The following PCSK5 variants were observed in gnomAD, a reference collection of about 807,000 sequenced individuals.
PCSK5 encodes proprotein convertase subtilisin/kexin type 5, also known as prohormone convertase 5.
A neutral mutation model predicts 233.2 loss-of-function variants in PCSK5; 129 were observed. That is an observed-to-expected ratio of 0.55 (90% CI 0.48 to 0.64). PCSK5 has a LOEUF of 0.64. Among genes scored for constraint, PCSK5 ranks in the 30% least tolerant of loss-of-function variants. The probability of loss-of-function intolerance (pLI) is 0.00; values close to 1 mark genes in which losing one functional copy is unlikely to be tolerated. For synonymous variants in PCSK5, 825 were observed against 879.2 expected (o/e 0.94, Z 1.09); for missense variants, 2,076 against 2,430.1 (o/e 0.85, Z 3.06).
At chr9:76,321,375 C>A in intron 30 of PCSK5, 47 bp from the exon 31 acceptor site, 1 of 1,026,764 alleles carries the variant, frequency 9.7e-7, no homozygotes, top group Non-Finnish European at 1.5e-6. Flanking sequence ...TGAGTCACTT[C>A]TCCAGCAGGT....
intron 10 of PCSK5, among the ~76,000 whole-genome samples, chr9:76,153,775 T>A (rs1477270155): frequency 6.6e-6 from 1 of 152,162 alleles, no homozygotes; most frequent in Non-Finnish European, 1.5e-5. Flanking sequence ...TGACACTTGG[T>A]GAATTAAATA....
chr9:76,280,201 C>G (rs1045701158), intron 24 of PCSK5, among the ~76,000 whole-genome samples: 5 of 152,100 alleles, frequency 3.3e-5, no homozygotes, highest in African/African-American at 1.2e-4. Flanking sequence ...TTTGGGGCAC[C>G]ATGAACCCCA....
chr9:76,060,875 G>A (rs546518965), intron 5 of PCSK5, among the ~76,000 whole-genome samples: 4 of 152,160 alleles, frequency 2.6e-5, no homozygotes, highest in South Asian at 4.1e-4. Context: ...AGTAAACACA[G>A]TTACTATAAA....
intron 20 of PCSK5, among the ~76,000 whole-genome samples, chr9:76,191,509 G>C (rs1010922396): frequency 6.6e-6 from 1 of 152,168 alleles, no homozygotes; most frequent in Admixed American, 6.5e-5. Flanking sequence ...ATCTCAAAAA[G>C]GTGTCAGAAA....
chr9:76,148,069 T>A (rs759012713), intron 10 of PCSK5, among the ~76,000 whole-genome samples: 6 of 152,084 alleles, frequency 3.9e-5, no homozygotes, highest in Non-Finnish European at 5.9e-5. Flanking sequence ...TTCTTTGCAA[T>A]CTTGTTTCTA....
At chr9:76,357,882 G>A (rs535309875) in intron 37 of PCSK5, among the ~76,000 whole-genome samples, 2 of 152,316 alleles carry the variant, frequency 1.3e-5, no homozygotes, top group East Asian at 1.9e-4. Context: ...GCCCTTAAGT[G>A]GTGGGACAGT....
intron 3 of PCSK5, 30 bp downstream of exon 3, chr9:75,986,275 GC>G: frequency 7.7e-7 from 1 of 1,298,194 alleles, no homozygotes; most frequent in Non-Finnish European, 1.1e-6. Flanking sequence ...CTGGCCTAGG[GC>G]CATGTCATCC....
chr9:75,970,652 C>T (rs1257338810), intron 2 of PCSK5, among the ~76,000 whole-genome samples: 1 of 152,020 alleles, frequency 6.6e-6, no homozygotes, highest in African/African-American at 2.4e-5. Flanking sequence ...GATGGAGTCT[C>T]ACTCTGTTGC....
At chr9:76,021,659 A>C (rs1254699831) in intron 3 of PCSK5, among the ~76,000 whole-genome samples, 1 of 152,142 alleles carries the variant, frequency 6.6e-6, no homozygotes, top group Non-Finnish European at 1.5e-5. Flanking sequence ...CTTTCTTAGA[A>C]TGAATCTTTG....
chr9:76,322,576 C>T (rs1393485637), intron 31 of PCSK5, among the ~76,000 whole-genome samples: 3 of 152,142 alleles, frequency 2.0e-5, no homozygotes, highest in East Asian at 3.8e-4. Context: ...AAAATAAACC[C>T]GCAATGTATT....
chr9:76,007,796 T>TTGTGTGTG (rs59860078), intron 3 of PCSK5, among the ~76,000 whole-genome samples: 13,818 of 128,148 alleles, frequency 0.11, 846 homozygotes, highest in Non-Finnish European at 0.12. Flanking sequence ...CCGGCTAATT[T>TTGTGTGTG]TGTGTGTGTG....
rs1352176814 is a variant in PCSK5 at position 76,328,066 on chromosome 9, A to T, written c.4397A>T (p.Lys1466Ile). The change falls in exon 33 of 38, where the codon AAA (lysine) becomes ATA (isoleucine). Residue 1466 changes from lysine to isoleucine, a missense_variant. Lys to Ile is a moderately radical substitution (Grantham distance 102). Coordinates refer to ENST00000674117, the MANE Select transcript of PCSK5 (RefSeq NM_001372043.1). Reference sequence around the variant, plus strand: ...TCTGGGACCTGCACCACCTGTCAGAAAGGCCTGATCATGAACCCTCGTGGG... The same window carrying T: ...TCTGGGACCTGCACCACCTGTCAGATAGGCCTGATCATGAACCCTCGTGGG... The part of the protein sequence containing the change: ...SSSGTCTTCQ[K>I]GLIMNPRGSC... 1.2e-6 allele frequency: 2 copies of T among 1,612,728 alleles called. No individual in the cohort carries two copies. The highest frequency in any genetic ancestry group is 2.7e-5 in the African/African-American group (2 of 74,910).
At chr9:75,929,646 T>C (rs929072004) in intron 1 of PCSK5, among the ~76,000 whole-genome samples, 1 of 151,756 alleles carries the variant, frequency 6.6e-6, no homozygotes, top group Non-Finnish European at 1.5e-5. Flanking sequence ...CCATCATAGC[T>C]AGTGTATTAG....
At chr9:76,333,169 C>T (rs1829583604) in intron 34 of PCSK5, among the ~76,000 whole-genome samples, 1 of 152,194 alleles carries the variant, frequency 6.6e-6, no homozygotes, top group African/African-American at 2.4e-5. Flanking sequence ...CAGAGCAAGA[C>T]CTTGTTTCTA....
At chr9:76,342,074 G>A (rs1829851367) in intron 35 of PCSK5, among the ~76,000 whole-genome samples, 1 of 152,068 alleles carries the variant, frequency 6.6e-6, no homozygotes, top group South Asian at 2.1e-4. Flanking sequence ...TTTCCTTTAT[G>A]TTCCAAAGAG....
At chr9:76,234,603 T>C (rs1365862108) in intron 22 of PCSK5, among the ~76,000 whole-genome samples, 1 of 152,226 alleles carries the variant, frequency 6.6e-6, no homozygotes, top group Non-Finnish European at 1.5e-5. Context: ...TGTCAAAACA[T>C]GACAAATATC....
At chr9:76,023,500 G>A (rs147227467) in intron 3 of PCSK5, among the ~76,000 whole-genome samples, 286 of 152,048 alleles carry the variant, frequency 1.9e-3, no homozygotes, top group African/African-American at 6.5e-3. Context: ...CCTTGTTTCT[G>A]CAAAAAATTT....
intron 4 of PCSK5, 135 bp downstream of exon 4, chr9:76,024,016 G>T (rs888427780): frequency 3.1e-6 from 2 of 637,162 alleles, no homozygotes; most frequent in Non-Finnish European, 2.5e-6. Context: ...CTTCTCTCTG[G>T]TAAAAGATGA....
chr9:76,256,938 A>G (rs1460352025), intron 24 of PCSK5, among the ~76,000 whole-genome samples: 1 of 152,228 alleles, frequency 6.6e-6, no homozygotes, highest in Non-Finnish European at 1.5e-5. Flanking sequence ...ACCTCCTAAT[A>G]GGTCCCTAGA....
Sources: gnomAD v4.1 joint callset for allele counts (sites outside exome capture counted in the v4.1 genomes callset) on GRCh38, gnomAD v4.1.1 for gene constraint, MANE v1.5 for transcripts, NCBI Gene and HGNC (gene_info 2026-07-23, HGNC 2026-07-21) for gene names.